CD5: variants seen among roughly 807,000 people sequenced by gnomAD.
CD5 encodes CD5 molecule.
In CD5, 36 loss-of-function variants were observed where a neutral mutation model predicts 60.3. The ratio of observed to expected loss-of-function variants is 0.60; its 90% CI spans 0.46 to 0.79. The LOEUF (loss-of-function observed/expected upper bound fraction) is 0.79. Among genes scored for constraint, CD5 ranks in the 30% least tolerant of loss-of-function variants. The pLI is 0.00. For missense variants in CD5, 540 were observed against 630.6 expected, an observed-to-expected ratio of 0.86 and a Z score of 1.54; for synonymous variants, 230 against 257.6, an observed-to-expected ratio of 0.89 and a Z score of 1.03.
At chr11:61,122,772 A>G in intron 6 of CD5, 135 bp from the exon 7 acceptor site, 2 of 942,608 alleles carry the variant, frequency 2.1e-6, no homozygotes, top group East Asian at 4.9e-5. Flanking sequence ...CAAATAGATC[A>G]TTGCCTTCCG....
In CD5 at chr11:61,125,152, G is replaced by T; in HGVS notation, c.1399+1G>T. 1 of 1,613,928 alleles carries T rather than the reference G, an allele frequency of 6.2e-7. No homozygotes were observed. The highest frequency in any genetic ancestry group is 8.5e-7 in the Non-Finnish European group (1 of 1,179,884). On this transcript the variant is annotated splice_donor_variant, in intron 9 of 10. Coordinates refer to ENST00000347785, the MANE Select transcript of CD5 (RefSeq NM_014207.4). LOFTEE classifies it high-confidence loss of function. ...AACTCCCACCTGTCAGCTTATCCAG[G>T]TAAGCACCAGCGGGTGCTCCCAGGC...
chr11:61,115,830 C>T (rs1263844148), intron 2 of CD5, among the ~76,000 whole-genome samples: 1 of 152,180 alleles, frequency 6.6e-6, no homozygotes, highest in African/African-American at 2.4e-5. Flanking sequence ...CTTGGCAGGC[C>T]CTAAGCACGA....
intron 1 of CD5, 42 bp downstream of exon 1, chr11:61,102,657 C>A (rs1860714637): frequency 6.6e-7 from 1 of 1,507,642 alleles, no homozygotes; most frequent in Non-Finnish European, 9.1e-7. Context: ...CCCGGGCTCG[C>A]TCCAGTGCAA....
chr11:61,106,720 G>A (rs951764728), intron 1 of CD5, among the ~76,000 whole-genome samples: 4 of 152,158 alleles, frequency 2.6e-5, no homozygotes, highest in South Asian at 4.1e-4. Context: ...CTGTGTTTGC[G>A]TATGAACACA....
chr11:61,103,651 G>T, intron 1 of CD5, among the ~76,000 whole-genome samples: 1 of 144,446 alleles, frequency 6.9e-6, no homozygotes, highest in Non-Finnish European at 1.5e-5. Context: ...TGTGTTGGGG[G>T]GTAATGTGTG....
At chr11:61,106,124 C>CAAA (rs36003583) in intron 1 of CD5, among the ~76,000 whole-genome samples, 15,766 of 81,480 alleles carry the variant, frequency 0.19, 1,742 homozygotes, top group Non-Finnish European at 0.22. Flanking sequence ...GACTCCATCT[C>CAAA]AAAAAAAAAA....
chr11:61,101,610 T>TCA (rs553932863), upstream of CD5, among the ~76,000 whole-genome samples: 1 of 128,146 alleles, frequency 7.8e-6, no homozygotes, highest in Non-Finnish European at 1.6e-5. Flanking sequence ...AACATGGAAA[T>TCA]CACACACACA....
At chr11:61,116,890 C>CA (rs1432417109) in intron 2 of CD5, among the ~76,000 whole-genome samples, 1 of 150,988 alleles carries the variant, frequency 6.6e-6, no homozygotes, top group Admixed American at 6.6e-5. Flanking sequence ...ACCACACAGA[C>CA]ACACACACCA....
At chr11:61,123,478 C>CG (rs1565187602) in intron 7 of CD5, among the ~76,000 whole-genome samples, 1 of 152,136 alleles carries the variant, frequency 6.6e-6, no homozygotes, top group Non-Finnish European at 1.5e-5. Flanking sequence ...CTTGTGAACG[C>CG]GGGGGGTTGT....
upstream of CD5, among the ~76,000 whole-genome samples, chr11:61,097,826 C>T (rs888467854): frequency 2.0e-5 from 3 of 152,144 alleles, no homozygotes; most frequent in African/African-American, 7.2e-5. Context: ...CCCCCATTTA[C>T]GTGCTCAACC....
upstream of CD5, among the ~76,000 whole-genome samples, chr11:61,097,585 A>G (rs1419987712): frequency 5.3e-5 from 8 of 152,206 alleles, no homozygotes; most frequent in African/African-American, 1.9e-4. Flanking sequence ...GCTTACGCCA[A>G]ATTACCTGAC....
chr11:61,125,214 C>T, intron 9 of CD5, 63 bp downstream of exon 9: 1 of 1,593,680 alleles, frequency 6.3e-7, no homozygotes, highest in Non-Finnish European at 8.6e-7. Flanking sequence ...CAAGGCAGGT[C>T]ACGTGATGCC....
chr11:61,125,943 T>C (rs1861143652), intron 10 of CD5, 102 bp downstream of exon 10: 3 of 587,818 alleles, frequency 5.1e-6, no homozygotes, highest in Non-Finnish European at 8.3e-6. Flanking sequence ...ACCCTGCCCA[T>C]ACATGAATAG....
At chr11:61,124,368 T>C (rs1325215130) in intron 8 of CD5, among the ~76,000 whole-genome samples, 1 of 152,198 alleles carries the variant, frequency 6.6e-6, no homozygotes, top group Admixed American at 6.5e-5. Context: ...TCAGGACTTA[T>C]CAGAACCTTA....
intron 1 of CD5, among the ~76,000 whole-genome samples, chr11:61,103,796 T>C (rs1418348506): frequency 8.0e-6 from 1 of 125,634 alleles, no homozygotes; most frequent in Admixed American, 8.3e-5. Context: ...GGGGGGAATG[T>C]GTGAGTCTGT....
At chr11:61,094,259 C>T in the CD5 span, among the ~76,000 whole-genome samples, 5 of 152,176 alleles carry the variant, frequency 3.3e-5, no homozygotes, top group Admixed American at 2.0e-4. Flanking sequence ...GGAGGATCAA[C>T]GCAGTGGCTG....
At chr11:61,112,296 G>C (rs1179594537) in intron 1 of CD5, among the ~76,000 whole-genome samples, 1 of 151,784 alleles carries the variant, frequency 6.6e-6, no homozygotes, top group South Asian at 2.1e-4. Flanking sequence ...GATTTCTCTC[G>C]CTAGCTGGAC....
chr11:61,104,059 T>G (rs1261164161), intron 1 of CD5, among the ~76,000 whole-genome samples: 2 of 126,946 alleles, frequency 1.6e-5, no homozygotes, highest in Non-Finnish European at 3.3e-5. Flanking sequence ...AATGTGTGAG[T>G]CTGTGTGTGA....
chr11:61,114,580 G>A (rs922077398), intron 1 of CD5, among the ~76,000 whole-genome samples: 1 of 152,168 alleles, frequency 6.6e-6, no homozygotes, highest in Non-Finnish European at 1.5e-5. Flanking sequence ...GGTTGAGGCT[G>A]CAGTGAGCTG....
Sources: gnomAD v4.1 joint callset for allele counts (sites outside exome capture counted in the v4.1 genomes callset) on GRCh38, gnomAD v4.1.1 for gene constraint, MANE v1.5 for transcripts, NCBI Gene and HGNC (gene_info 2026-07-23, HGNC 2026-07-21) for gene names.